Variants in FAM163B observed in about 807,000 individuals in gnomAD.
FAM163B encodes family with sequence similarity 163 member B, also known as protein FAM163B.
In FAM163B, 4 loss-of-function variants were observed where a neutral mutation model predicts 7.6. That is an observed-to-expected ratio of 0.52 (90% CI 0.26 to 1.20). FAM163B has a LOEUF of 1.20. Ranked by LOEUF, FAM163B falls within the 50% of genes most tolerant of loss-of-function variation. FAM163B has a pLI of 0.14. For missense variants in FAM163B, 250 were observed against 243.0 expected (o/e 1.03, Z -0.19); for synonymous variants, 120 against 111.6 (o/e 1.07, Z -0.47).
At chr9:133,599,181 G>T (rs529266102) in intron 1 of FAM163B, among the ~76,000 whole-genome samples, 2 of 152,218 alleles carry the variant, frequency 1.3e-5, no homozygotes, top group African/African-American at 4.8e-5. Flanking sequence ...CACAGAGTTC[G>T]CCTCTGCCTC....
chr9:133,599,204 C>A (rs1251771719), intron 1 of FAM163B, among the ~76,000 whole-genome samples: 1 of 152,196 alleles, frequency 6.6e-6, no homozygotes, highest in Non-Finnish European at 1.5e-5. Flanking sequence ...GGCCTTTGCA[C>A]ACACTGCTCC....
At chr9:133,581,525 C>T (rs894840562) in intron 1 of FAM163B, among the ~76,000 whole-genome samples, 5 of 152,172 alleles carry the variant, frequency 3.3e-5, no homozygotes, top group Admixed American at 3.3e-4. Context: ...GTTTAGCTTT[C>T]TCCTGTCGTC....
chr9:133,601,242 A>C lies in FAM163B; in HGVS notation c.-24+7835T>G, dbSNP rs1469130942. On this transcript the variant is annotated intron_variant, in intron 1 of 2. Transcript: ENST00000673969. This position sits in a 1 kb window ranked among gnomAD's most constrained non-coding sequence, Gnocchi z 4.1. ...TGGGCAGGGCGCGCCTTTGGAGCCG[A>C]CTCAGTGATTCTATTATAACTTGTG... is the stretch of plus-strand genomic sequence containing the variant. Among the ~76,000 whole-genome samples the C allele has an allele frequency of 6.6e-6, 1 of 152,096 alleles. No individual in the cohort carries two copies. The highest frequency in any genetic ancestry group is 1.5e-5 in the Non-Finnish European group (1 of 67,998).
chr9:133,580,279 C>G, intron 1 of FAM163B, 33 bp from the exon 2 acceptor site: 2 of 1,477,084 alleles, frequency 1.4e-6, no homozygotes, highest in South Asian at 2.3e-5. Context: ...TAGAGCATCA[C>G]GCTTCCTCAC....
Position 133,601,996 on chromosome 9 carries a change from G to T in FAM163B, c.-24+7081C>A, listed in dbSNP as rs761467352. 6.6e-6 allele frequency among the ~76,000 whole-genome samples: 1 copy of T among 152,158 alleles called. No homozygotes were observed. Among genetic ancestry groups the T allele is most frequent in the Non-Finnish European group, 1.5e-5 (1 of 68,022 alleles). ...CTGGGGGCTGGCAGGGTCTGTCCTG[G>T]GTGGGGCTCCACGGGCCGCACCGGG... is the stretch of plus-strand genomic sequence containing the variant. On this transcript the variant is annotated intron_variant, in intron 1 of 2. Coordinates refer to ENST00000673969, the MANE Select transcript of FAM163B (RefSeq NM_001080515.3). The surrounding 1 kb of genome is among the most constrained non-coding windows in gnomAD (Gnocchi z 4.1).
chr9:133,588,626 A>AAG (rs1831481167), intron 1 of FAM163B, among the ~76,000 whole-genome samples: 1 of 21,070 alleles, frequency 4.7e-5, no homozygotes, highest in African/African-American at 1.5e-4. Flanking sequence ...AGGATCTAGC[A>AAG]TGTTGAGGGA....
chr9:133,583,155 AT>A (rs1385513980), intron 1 of FAM163B, among the ~76,000 whole-genome samples: 2 of 152,282 alleles, frequency 1.3e-5, no homozygotes, highest in Non-Finnish European at 2.9e-5. Flanking sequence ...GTCTGTGGTC[AT>A]GCAGGGATTA....
rs1472936678 is a variant in FAM163B at position 133,598,762 on chromosome 9, A to G, written c.-24+10315T>C. Among the ~76,000 whole-genome samples the G allele has an allele frequency of 2.6e-5, 4 of 152,190 alleles. No individual in the cohort carries two copies. In the East Asian group the frequency reaches 5.8e-4, roughly 22 times the overall value. On this transcript the variant is annotated intron_variant, in intron 1 of 2. Transcript: ENST00000673969. Reference sequence around the variant, plus strand: ...AGAGAGCAGCCTGAGAGTTAGAGACAGGAGTCCTCATCTTATTTCACAGGT... The same window carrying G: ...AGAGAGCAGCCTGAGAGTTAGAGACGGGAGTCCTCATCTTATTTCACAGGT...
intron 1 of FAM163B, among the ~76,000 whole-genome samples, chr9:133,581,109 G>A (rs1356461692): frequency 1.3e-5 from 2 of 152,144 alleles, no homozygotes; most frequent in Admixed American, 6.5e-5. Context: ...CAAACACAAC[G>A]CAGGGAGGCT....
In FAM163B at chr9:133,579,448, T is replaced by C; in HGVS notation, c.94-19A>G. On this transcript the variant is annotated intron_variant, in intron 2 of 2. Coordinates refer to ENST00000673969, the MANE Select transcript of FAM163B (RefSeq NM_001080515.3). ...AGTAGTACTGCGGGCAGAGGGACGGTGACCATGCGGCCGCCCGCTCCCACC... is the reference window on the plus strand; with the variant it reads ...AGTAGTACTGCGGGCAGAGGGACGGCGACCATGCGGCCGCCCGCTCCCACC... The C allele has an allele frequency of 6.4e-7, 1 of 1,566,378 alleles. No homozygotes were observed. Among genetic ancestry groups the C allele is most frequent in the Non-Finnish European group, 8.6e-7 (1 of 1,156,100 alleles).
intron 1 of FAM163B, among the ~76,000 whole-genome samples, chr9:133,599,717 G>A (rs1311215449): frequency 2.4e-5 from 3 of 126,606 alleles, no homozygotes; most frequent in Non-Finnish European, 4.9e-5. Context: ...GTGTGAGCAT[G>A]TGCATGTGTG....
rs3025319 is a variant in FAM163B, at chr9:133,600,652, G to C, written c.-24+8425C>G. ...TGGGTGGAAGCCCAAGACTCGTGGG[G>C]CTTGAGGAGAGGTTGGTCTAAGCTC... On this transcript the variant is annotated intron_variant, in intron 1 of 2. Transcript: ENST00000673969. This position sits in a 1 kb window ranked among gnomAD's most constrained non-coding sequence, Gnocchi z 4.9. Among the ~76,000 whole-genome samples the C allele has an allele frequency of 0.75, 113,303 of 151,942 alleles. 42,808 individuals are homozygous for C. Among genetic ancestry groups the C allele is most frequent in the African/African-American group, 0.87 (35,895 of 41,432 alleles).
rs1489761300 is a variant in FAM163B, at chr9:133,579,042, T to C, written c.481A>G (p.Ser161Gly). Residue 161 changes from serine to glycine, a missense_variant, in exon 3 of 3, where the codon AGC (serine) becomes GGC (glycine). Coordinates refer to ENST00000673969, the MANE Select transcript of FAM163B (RefSeq NM_001080515.3). ...AMREAFARSRSISTDV is the reference protein window; with the variant it reads ...AMREAFARSRGISTDV ...CCAGGTCACACGTCGGTGCTGATGC[T>C]GCGGCTCCTGGCGAAGGCCTCCCGC... The C allele has an allele frequency of 4.5e-6, 7 of 1,561,092 alleles. No individual in the cohort carries two copies. In the East Asian group the frequency reaches 9.4e-5, roughly 21 times the overall value.
intron 1 of FAM163B, among the ~76,000 whole-genome samples, chr9:133,581,188 C>G (rs1392910853): frequency 1.3e-5 from 2 of 152,214 alleles, no homozygotes; most frequent in Admixed American, 6.5e-5. Flanking sequence ...TAAACCAGCT[C>G]TCAAAGCACC....
At chr9:133,605,459 C>T (rs1433045623) in intron 1 of FAM163B, among the ~76,000 whole-genome samples, 1 of 152,198 alleles carries the variant, frequency 6.6e-6, no homozygotes, top group Non-Finnish European at 1.5e-5. Context: ...AGTCCCTGCC[C>T]AGCCTCCACC....
Position 133,601,110 on chromosome 9 carries a change from C to A in FAM163B, c.-24+7967G>T, listed in dbSNP as rs1831723876. Among the ~76,000 whole-genome samples the A allele has an allele frequency of 6.6e-6, 1 of 152,194 alleles. No individual in the cohort carries two copies. The highest frequency in any genetic ancestry group is 2.1e-4 in the South Asian group (1 of 4,818). On this transcript the variant is annotated intron_variant, in intron 1 of 2. Coordinates refer to ENST00000673969, the MANE Select transcript of FAM163B (RefSeq NM_001080515.3). The surrounding 1 kb of genome is among the most constrained non-coding windows in gnomAD (Gnocchi z 4.1). ...TGTGAGCTGACAACCCTTCTTCCAT[C>A]CCTCACTCTACTCACTCCTCCTGGA...
At position 133,606,719 on chromosome 9, in the gene FAM163B, G is replaced by A. The variant is rs543317563; in HGVS notation, c.-24+2358C>T. ...GGGAAGTGGCGGTAGGGCCAGGAGC[G>A]GAGTGGAGGACAGAACAAGGGCTCG... On this transcript the variant is annotated intron_variant, in intron 1 of 2. Coordinates refer to ENST00000673969, the MANE Select transcript of FAM163B (RefSeq NM_001080515.3). This position sits in a 1 kb window ranked among gnomAD's most constrained non-coding sequence, Gnocchi z 4.0. Among the ~76,000 whole-genome samples, 225 of 152,350 alleles carry A rather than the reference G, an allele frequency of 1.5e-3. No homozygotes were observed. The highest frequency in any genetic ancestry group is 5.1e-3 in the African/African-American group (211 of 41,574).
chr9:133,595,452 A>G (rs1410968436), intron 1 of FAM163B, among the ~76,000 whole-genome samples: 5 of 152,314 alleles, frequency 3.3e-5, no homozygotes, highest in African/African-American at 1.2e-4. Context: ...CCCGGCCAGG[A>G]CTGTGCATTT....
chr9:133,608,560 C>T (rs186687766), intron 1 of FAM163B, among the ~76,000 whole-genome samples: 48 of 152,168 alleles, frequency 3.2e-4, no homozygotes, highest in African/African-American at 1.1e-3. Flanking sequence ...ACTCTGTGAT[C>T]GTGGGCAAGA....
Sources: gnomAD v4.1 joint callset for allele counts (sites outside exome capture counted in the v4.1 genomes callset) on GRCh38, gnomAD v4.1.1 for gene constraint, Gnocchi (gnomAD v3.1) non-coding constraint, MANE v1.5 for transcripts, NCBI Gene and HGNC (gene_info 2026-07-23, HGNC 2026-07-21) for gene names.